Variants in ANP32A observed in about 807,000 individuals in gnomAD.
The protein encoded by ANP32A is acidic nuclear phosphoprotein 32 family member A.
Under a neutral mutation model 33.9 loss-of-function variants are expected in ANP32A, and 1 was observed. The observed-to-expected ratio is 0.03, with a 90% CI of 0.01 to 0.14. ANP32A has a LOEUF of 0.14. ANP32A is among the 10% of genes least tolerant of loss of function. The probability of loss-of-function intolerance (pLI) is 1.00; values close to 1 mark genes in which losing one functional copy is unlikely to be tolerated. For missense variants in ANP32A, 155 were observed against 306.0 expected (o/e 0.51, Z 3.68); for synonymous variants, 115 against 120.5 (o/e 0.95, Z 0.30).
At chr15:68,801,188 ACCT>A (rs1894129910) in intron 1 of ANP32A, among the ~76,000 whole-genome samples, 2 of 148,524 alleles carry the variant, frequency 1.3e-5, no homozygotes, top group African/African-American at 5.1e-5. Flanking sequence ...CCTAAGAGTT[ACCT>A]TGCTCTGCCT....
At chr15:68,794,019 T>C (rs1894031571) in intron 1 of ANP32A, among the ~76,000 whole-genome samples, 1 of 152,242 alleles carries the variant, frequency 6.6e-6, no homozygotes, top group South Asian at 2.1e-4. Context: ...CCGAGAGAAC[T>C]GGCTCAAGTT....
At chr15:68,789,518 C>A (rs1215017302) in intron 1 of ANP32A, 1 of 152,366 alleles carries the variant, frequency 6.6e-6, no homozygotes, top group Non-Finnish European at 1.5e-5. Flanking sequence ...CCCTCTTACT[C>A]AGGCATCTCT....
intron 4 of ANP32A, among the ~76,000 whole-genome samples, chr15:68,783,931 T>A (rs959131018): frequency 6.6e-6 from 1 of 152,030 alleles, no homozygotes; most frequent in African/African-American, 2.4e-5. Context: ...AATACCTAGA[T>A]GGGAAAGAGG....
At chr15:68,788,909 C>T (rs1329007114) in intron 1 of ANP32A, among the ~76,000 whole-genome samples, 3 of 152,192 alleles carry the variant, frequency 2.0e-5, no homozygotes, top group African/African-American at 4.8e-5. Context: ...TAAAAAGCCA[C>T]CCTCTCACAG....
At chr15:68,790,559 G>A (rs893544481) in intron 1 of ANP32A, 1 of 152,182 alleles carries the variant, frequency 6.6e-6, no homozygotes, top group African/African-American at 2.4e-5. Flanking sequence ...AAAAATAATC[G>A]TCATATCTTT....
intron 1 of ANP32A, among the ~76,000 whole-genome samples, chr15:68,800,020 A>G (rs965291004): frequency 1.3e-5 from 2 of 152,094 alleles, no homozygotes; most frequent in African/African-American, 4.8e-5. Flanking sequence ...CTCACAAAAT[A>G]ATGGGCTGCT....
intron 1 of ANP32A, among the ~76,000 whole-genome samples, chr15:68,802,957 A>G (rs1346076666): frequency 6.6e-6 from 1 of 152,146 alleles, no homozygotes; most frequent in Non-Finnish European, 1.5e-5. Flanking sequence ...CCCAGCCCAG[A>G]GTCCTACTAT....
At chr15:68,811,287 A>G (rs1000918737) in intron 1 of ANP32A, among the ~76,000 whole-genome samples, 3 of 152,160 alleles carry the variant, frequency 2.0e-5, no homozygotes, top group African/African-American at 7.2e-5. Flanking sequence ...GGGATCAATT[A>G]GAGTCTTTGC....
intron 1 of ANP32A, chr15:68,791,631 G>A (rs1187373468): frequency 6.5e-6 from 1 of 152,716 alleles, no homozygotes; most frequent in African/African-American, 2.4e-5. Context: ...ATAGCAAGAG[G>A]TTGCTTCCAC....
chr15:68,781,077 T>A (rs1893860769), intron 5 of ANP32A: 2 of 152,524 alleles, frequency 1.3e-5, no homozygotes, highest in South Asian at 2.1e-4. Context: ...GCAAGGTGTA[T>A]GACTTTCTTT....
chr15:68,803,877 C>G, intron 1 of ANP32A, among the ~76,000 whole-genome samples: 1 of 142,744 alleles, frequency 7.0e-6, no homozygotes, highest in East Asian at 2.1e-4. Context: ...TCTCGGCTCA[C>G]TACAACCTCC....
At chr15:68,803,767 T>A (rs144016409) in intron 1 of ANP32A, among the ~76,000 whole-genome samples, 5 of 152,126 alleles carry the variant, frequency 3.3e-5, no homozygotes, top group African/African-American at 4.8e-5. Context: ...CTCACACATA[T>A]TGTTTGGTTT....
Position 68,779,003 on chromosome 15 carries a change from G to A in ANP32A, c.*1078C>T, listed in dbSNP as rs1326219812. The A allele has an allele frequency of 6.6e-6, 1 of 152,132 alleles. No homozygotes were observed. The highest frequency in any genetic ancestry group is 1.5e-5 in the Non-Finnish European group (1 of 68,036). The allele number at this position is 152,132 out of a possible 1,614,324, so 9.4% of individuals were successfully genotyped here. A position where few individuals can be genotyped will look rare whatever the true frequency, so the allele number is the denominator to read the frequency against. ...GGGCAGGAGAAAAACTGGTGCAGAT[G>A]TTCTTTTATACAGATGAAACATGGG... is the stretch of plus-strand genomic sequence containing the variant. On this transcript the variant is annotated 3_prime_UTR_variant, in exon 7 of 7. Transcript: ENST00000465139.
At chr15:68,809,684 C>T (rs1216734437) in intron 1 of ANP32A, among the ~76,000 whole-genome samples, 8 of 151,120 alleles carry the variant, frequency 5.3e-5, no homozygotes, top group South Asian at 2.1e-4. Flanking sequence ...GTCACACCAG[C>T]GGGCGTGGGG....
At chr15:68,809,450 T>TTA (rs974367415) in intron 1 of ANP32A, among the ~76,000 whole-genome samples, 106 of 152,286 alleles carry the variant, frequency 7.0e-4, no homozygotes, top group African/African-American at 2.5e-3. Flanking sequence ...TTTCAGGACT[T>TTA]TTTAGATGTT....
At chr15:68,806,359 C>T (rs1045225327) in intron 1 of ANP32A, among the ~76,000 whole-genome samples, 13 of 152,118 alleles carry the variant, frequency 8.5e-5, no homozygotes, top group South Asian at 2.1e-4. Context: ...TGATGAACAC[C>T]GGCCGCTGAA....
intron 1 of ANP32A, among the ~76,000 whole-genome samples, chr15:68,819,812 T>C (rs2140378359): frequency 6.6e-6 from 1 of 152,296 alleles, no homozygotes; most frequent in African/African-American, 2.4e-5. Context: ...ACGCGGGGAT[T>C]ATCTGTGCCT....
intron 1 of ANP32A, among the ~76,000 whole-genome samples, chr15:68,795,570 C>T (rs1025185974): frequency 3.9e-5 from 6 of 152,192 alleles, no homozygotes; most frequent in Non-Finnish European, 7.3e-5. Flanking sequence ...CTGTCTCCTC[C>T]CGCGGGTGTG....
intron 1 of ANP32A, chr15:68,812,849 G>T (rs1894331324): frequency 1.3e-5 from 2 of 152,158 alleles, no homozygotes; most frequent in African/African-American, 4.8e-5. Context: ...GGAGCAGAAA[G>T]TTCGAAAGCC....
Sources: gnomAD v4.1 joint callset for allele counts (sites outside exome capture counted in the v4.1 genomes callset) on GRCh38, gnomAD v4.1.1 for gene constraint, MANE v1.5 for transcripts, NCBI Gene and HGNC (gene_info 2026-07-23, HGNC 2026-07-21) for gene names.